Variants in ZNF608 observed in about 807,000 individuals in gnomAD.
ZNF608 encodes the protein renal carcinoma antigen NY-REN-36.
A neutral mutation model predicts 109.0 loss-of-function variants in ZNF608; 12 were observed. That is an observed-to-expected ratio of 0.11 (90% CI 0.07 to 0.18). The LOEUF is 0.18. Among genes scored for constraint, ZNF608 ranks in the 10% least tolerant of loss-of-function variants. The pLI is 1.00. For missense variants in ZNF608, 1,707 were observed against 1,879.3 expected (o/e 0.91, Z 1.70); for synonymous variants, 732 against 717.4 (o/e 1.02, Z -0.33).
At position 124,648,405 on chromosome 5, in the gene ZNF608, G is replaced by A. The variant is rs1750633212; in HGVS notation, c.1979C>T (p.Ser660Phe). The A allele has an allele frequency of 6.2e-7, 1 of 1,614,158 alleles. No individual in the cohort carries two copies. The highest frequency in any genetic ancestry group is 2.2e-5 in the East Asian group (1 of 44,882). Residue 660 changes from serine to phenylalanine, a missense_variant, in exon 5 of 10, where the codon TCT becomes TTT. Ser to Phe is a radical substitution (Grantham distance 155). Around this residue, in one of 7 missense-constraint regions of ZNF608, gnomAD observed 1,073 missense variants for 1,133.5 expected, o/e 0.95. Transcript: ENST00000513986. ...SIIGAKAGKN[S>F]GKKKGLNNEL... ...ATTGTTAAGGCCCTTCTTTTTGCCAGAATTCTTCCCAGCTTTAGCACCAAT... is the reference window on the plus strand; with the variant it reads ...ATTGTTAAGGCCCTTCTTTTTGCCAAAATTCTTCCCAGCTTTAGCACCAAT...
chr5:124,718,149 C>T (rs541140467), intron 2 of ZNF608, among the ~76,000 whole-genome samples: 1 of 152,280 alleles, frequency 6.6e-6, no homozygotes, highest in East Asian at 1.9e-4. Flanking sequence ...TGGCCCCATT[C>T]CATTTACCTT....
intron 3 of ZNF608, 74 bp downstream of exon 3, chr5:124,700,940 C>A: frequency 6.4e-7 from 1 of 1,565,804 alleles, no homozygotes; most frequent in South Asian, 1.2e-5. Context: ...AAAACAAATT[C>A]TCCTCACAGG....
At chr5:124,705,409 G>T (rs1385117334) in intron 2 of ZNF608, among the ~76,000 whole-genome samples, 1 of 152,092 alleles carries the variant, frequency 6.6e-6, no homozygotes, top group East Asian at 1.9e-4. Context: ...TAAGAAATGG[G>T]AGTAATAATA....
At chr5:124,697,327 A>G (rs960807577) in intron 3 of ZNF608, among the ~76,000 whole-genome samples, 3 of 151,616 alleles carry the variant, frequency 2.0e-5, no homozygotes, top group Non-Finnish European at 4.4e-5. Context: ...ATGTATTTAC[A>G]CATATTGCTA....
intron 2 of ZNF608, among the ~76,000 whole-genome samples, chr5:124,730,314 GA>G (rs1227986088): frequency 6.6e-6 from 1 of 152,174 alleles, no homozygotes; most frequent in East Asian, 1.9e-4. Flanking sequence ...GTCAAAAAAG[GA>G]AAATTTAACA....
chr5:124,674,255 G>C (rs1042192852), intron 3 of ZNF608, among the ~76,000 whole-genome samples: 5 of 152,140 alleles, frequency 3.3e-5, no homozygotes, highest in Admixed American at 3.3e-4. Context: ...TATGTTCAAA[G>C]AGCCCATAAT....
At chr5:124,707,785 A>G (rs771765494) in intron 2 of ZNF608, 1 of 152,198 alleles carries the variant, frequency 6.6e-6, no homozygotes, top group Non-Finnish European at 1.5e-5. Flanking sequence ...TTTAAAAACC[A>G]TTTCCTTAAA....
chr5:124,690,982 A>G (rs1329680015), intron 3 of ZNF608, among the ~76,000 whole-genome samples: 1 of 151,110 alleles, frequency 6.6e-6, no homozygotes, highest in Non-Finnish European at 1.5e-5. Context: ...AAAATTTTTT[A>G]CACAACTTTT....
At chr5:124,685,715 G>A (rs968712651) in intron 3 of ZNF608, among the ~76,000 whole-genome samples, 6 of 152,004 alleles carry the variant, frequency 3.9e-5, no homozygotes, top group African/African-American at 9.6e-5. Flanking sequence ...CTCAGTACGC[G>A]GCCAGCCCAC....
At chr5:124,708,488 T>G (rs535790256) in intron 2 of ZNF608, among the ~76,000 whole-genome samples, 1 of 152,314 alleles carries the variant, frequency 6.6e-6, no homozygotes, top group East Asian at 1.9e-4. Flanking sequence ...TTTCTGTATG[T>G]TGGAAGCAAT....
intron 3 of ZNF608, among the ~76,000 whole-genome samples, chr5:124,682,031 G>C (rs1333557518): frequency 1.3e-5 from 2 of 152,166 alleles, no homozygotes; most frequent in African/African-American, 4.8e-5. Context: ...CATTTTTTAA[G>C]CATCTGAGCT....
chr5:124,659,076 G>C (rs1751137843), intron 3 of ZNF608, among the ~76,000 whole-genome samples: 1 of 152,030 alleles, frequency 6.6e-6, no homozygotes, highest in African/African-American at 2.4e-5. Flanking sequence ...GGAGGTCACT[G>C]AAGATAAGCA....
chr5:124,702,186 C>T (rs1379072215), intron 2 of ZNF608, among the ~76,000 whole-genome samples: 3 of 152,172 alleles, frequency 2.0e-5, no homozygotes, highest in African/African-American at 7.2e-5. Context: ...ATTCATTTGG[C>T]CCATTGTAAC....
Position 124,641,409 on chromosome 5 carries a change from C to A in ZNF608, c.4297-4G>T, listed in dbSNP as rs1182863812. 5 of 1,601,132 alleles carry A rather than the reference C, an allele frequency of 3.1e-6. No individual in the cohort carries two copies. Among genetic ancestry groups the A allele is most frequent in the Non-Finnish European group, 4.3e-6 (5 of 1,171,268 alleles). On this transcript the variant is annotated splice_polypyrimidine_tract_variant and splice_region_variant and intron_variant, in intron 7 of 9. Transcript: ENST00000513986. ...CAGCTGTAGCCTTTTCCACAGGCTG[C>A]AACAGAAAAGAGAAATTTTCCCCCT... is the stretch of plus-strand genomic sequence containing the variant.
intron 2 of ZNF608, among the ~76,000 whole-genome samples, chr5:124,716,790 T>C (rs1176544355): frequency 6.6e-6 from 1 of 152,166 alleles, no homozygotes; most frequent in African/African-American, 2.4e-5. Context: ...TGAGTAAAAG[T>C]TGTACATTTT....
chr5:124,739,337 C>T (rs1028323902), intron 2 of ZNF608, among the ~76,000 whole-genome samples: 1 of 152,156 alleles, frequency 6.6e-6, no homozygotes, highest in Admixed American at 6.5e-5. Context: ...AGGATATTTT[C>T]CTCATTATCA....
At chr5:124,705,282 C>A (rs1054793375) in intron 2 of ZNF608, among the ~76,000 whole-genome samples, 1 of 152,172 alleles carries the variant, frequency 6.6e-6, no homozygotes, top group South Asian at 2.1e-4. Flanking sequence ...AGGACTTGAA[C>A]CTCTGGTTCT....
chr5:124,735,933 G>A (rs1478647086), intron 2 of ZNF608, among the ~76,000 whole-genome samples: 1 of 152,032 alleles, frequency 6.6e-6, no homozygotes, highest in Admixed American at 6.5e-5. Context: ...GATACAAGGG[G>A]ATAAAATCTA....
chr5:124,677,926 C>T (rs1285360587), intron 3 of ZNF608, among the ~76,000 whole-genome samples: 1 of 152,178 alleles, frequency 6.6e-6, no homozygotes, highest in South Asian at 2.1e-4. Flanking sequence ...GTCCTTATTC[C>T]TCTCTGCAGA....
Sources: allele counts gnomAD v4.1 joint callset (sites outside exome capture counted in the v4.1 genomes callset), GRCh38; gene constraint gnomAD v4.1.1; regional missense constraint gnomAD v4.1.1; transcripts MANE v1.5; gene names NCBI Gene and HGNC (gene_info 2026-07-23, HGNC 2026-07-21).